Variants in SPECC1 observed in about 807,000 individuals in gnomAD.
SPECC1 encodes cytospin-B.
Under a neutral mutation model 104.1 loss-of-function variants are expected in SPECC1, and 62 were observed. The ratio of observed to expected loss-of-function variants is 0.60; its 90% CI spans 0.49 to 0.74. The LOEUF is 0.74. SPECC1 is among the 30% of genes least tolerant of loss of function. The pLI is 0.00. For missense variants in SPECC1, 1,306 were observed against 1,310.5 expected (o/e 1.00, Z 0.05); for synonymous variants, 513 against 501.6 (o/e 1.02, Z -0.30).
At chr17:20,105,288 T>C (rs1272616895) in intron 2 of SPECC1, among the ~76,000 whole-genome samples, 1 of 152,154 alleles carries the variant, frequency 6.6e-6, no homozygotes, top group Non-Finnish European at 1.5e-5. Context: ...AGAAATGGAG[T>C]CTTACTATGT....
intron 2 of SPECC1, among the ~76,000 whole-genome samples, chr17:20,103,220 C>T (rs887223426): frequency 6.6e-6 from 1 of 152,196 alleles, no homozygotes; most frequent in African/African-American, 2.4e-5. Flanking sequence ...ACACCCACCC[C>T]TCCAGAATGC....
At chr17:20,231,301 C>T (rs1405488893) in intron 5 of SPECC1, among the ~76,000 whole-genome samples, 3 of 152,110 alleles carry the variant, frequency 2.0e-5, no homozygotes, top group Non-Finnish European at 2.9e-5. Flanking sequence ...TGATTGAGAC[C>T]CATGACTCTA....
At chr17:20,167,898 A>G (rs116922417) in intron 3 of SPECC1, among the ~76,000 whole-genome samples, 2 of 152,244 alleles carry the variant, frequency 1.3e-5, no homozygotes, top group Non-Finnish European at 2.9e-5. Context: ...AAAAACTATA[A>G]CTTGTACATT....
chr17:20,272,547 C>T (rs866154971), intron 12 of SPECC1, among the ~76,000 whole-genome samples: 1 of 152,160 alleles, frequency 6.6e-6, no homozygotes, highest in Non-Finnish European at 1.5e-5. Flanking sequence ...TTCCCCTCTT[C>T]CCCCAGCCTC....
chr17:20,013,128 A>C lies in SPECC1; in HGVS notation c.-22+3704A>C, dbSNP rs895581831. 3.9e-5 allele frequency among the ~76,000 whole-genome samples: 6 copies of C among 152,336 alleles called. No homozygotes were observed. In the South Asian group the frequency reaches 1.2e-3, roughly 32 times the overall value. ...ATCAAAGGATATTTATGTTGGTTCC[A>C]CATCATAGCTATTATGAATAATGCT... On this transcript the variant is annotated intron_variant, in intron 1 of 14. Transcript: ENST00000395527.
chr17:20,137,312 G>C (rs1328636231), intron 3 of SPECC1, among the ~76,000 whole-genome samples: 1 of 152,208 alleles, frequency 6.6e-6, no homozygotes, highest in Non-Finnish European at 1.5e-5. Context: ...TAGCCTCTTG[G>C]AGGAGCATCG....
At chr17:20,164,000 A>G (rs899254358) in intron 3 of SPECC1, among the ~76,000 whole-genome samples, 2 of 152,214 alleles carry the variant, frequency 1.3e-5, no homozygotes, top group Admixed American at 6.5e-5. Context: ...CAATTCTCAT[A>G]AACATTAAAA....
At chr17:20,058,439 A>G (rs1376877370) in intron 1 of SPECC1, among the ~76,000 whole-genome samples, 2 of 152,126 alleles carry the variant, frequency 1.3e-5, no homozygotes, top group Admixed American at 1.3e-4. Flanking sequence ...AGGGAGGATC[A>G]CTTGAGCCCA....
chr17:20,098,025 C>T lies in SPECC1; in HGVS notation c.147+1227C>T, dbSNP rs542475746. ...CATTGAGAACCATTGTTCTAGGTGA[C>T]GGGTCCATTCTCATGGCTTTTAACA... On this transcript the variant is annotated intron_variant, in intron 2 of 14. Transcript: ENST00000395527. Among the ~76,000 whole-genome samples, 35 of 152,280 alleles carry T rather than the reference C, an allele frequency of 2.3e-4. No homozygotes were observed. In the East Asian group the frequency reaches 5.4e-3, roughly 24 times the overall value.
chr17:20,040,639 C>T (rs1008192776), intron 1 of SPECC1, among the ~76,000 whole-genome samples: 1 of 152,156 alleles, frequency 6.6e-6, no homozygotes, highest in Non-Finnish European at 1.5e-5. Flanking sequence ...CACTTGAAAA[C>T]CATTGTGTCA....
chr17:20,117,576 C>T (rs1302966750), intron 3 of SPECC1, among the ~76,000 whole-genome samples: 2 of 151,510 alleles, frequency 1.3e-5, no homozygotes, highest in Admixed American at 6.6e-5. Flanking sequence ...TGCTTGAGCC[C>T]AGGAGTTGAA....
chr17:20,041,275 G>T (rs1279555841), intron 1 of SPECC1, among the ~76,000 whole-genome samples: 2 of 151,984 alleles, frequency 1.3e-5, no homozygotes, highest in Non-Finnish European at 2.9e-5. Context: ...TGCTCTTGTT[G>T]CCCAGGCTGG....
At chr17:20,206,845 C>T (rs1218151760) in intron 4 of SPECC1, among the ~76,000 whole-genome samples, 1 of 152,150 alleles carries the variant, frequency 6.6e-6, no homozygotes, top group Non-Finnish European at 1.5e-5. Flanking sequence ...CTTTCCTGAG[C>T]CTTTGCCAGC....
intron 3 of SPECC1, among the ~76,000 whole-genome samples, chr17:20,120,666 C>T (rs1021389735): frequency 2.6e-5 from 4 of 152,092 alleles, no homozygotes; most frequent in Non-Finnish European, 5.9e-5. Flanking sequence ...AAGTTTTCTA[C>T]GATGCATAGC....
At chr17:20,313,883 C>T in intron 14 of SPECC1, 93 bp from the exon 15 acceptor site, 2 of 1,132,486 alleles carry the variant, frequency 1.8e-6, no homozygotes, top group East Asian at 2.6e-5. Flanking sequence ...GGTTTCCAGG[C>T]AGTGTAAGCC....
intron 3 of SPECC1, 130 bp from the exon 4 acceptor site, chr17:20,204,203 C>T (rs1057356781): frequency 2.6e-6 from 3 of 1,154,384 alleles, no homozygotes; most frequent in African/African-American, 1.5e-5. Flanking sequence ...GGGTAATTAG[C>T]TAGAGGAGGA....
chr17:20,034,490 C>G (rs775248061), intron 1 of SPECC1, among the ~76,000 whole-genome samples: 14 of 151,878 alleles, frequency 9.2e-5, no homozygotes, highest in Non-Finnish European at 1.6e-4. Flanking sequence ...TCTAGTTGAC[C>G]AAAGTGCTGG....
At chr17:20,220,442 G>A (rs1479415863) in intron 4 of SPECC1, among the ~76,000 whole-genome samples, 1 of 151,946 alleles carries the variant, frequency 6.6e-6, no homozygotes, top group Non-Finnish European at 1.5e-5. Context: ...CTATAAATGG[G>A]ATTACTTTCT....
intron 2 of SPECC1, among the ~76,000 whole-genome samples, chr17:20,099,100 A>G (rs960535975): frequency 2.0e-5 from 3 of 152,204 alleles, no homozygotes; most frequent in Non-Finnish European, 4.4e-5. Flanking sequence ...TGTCTTTCAG[A>G]TGAAGGTAAC....
Sources: gnomAD v4.1 joint callset for allele counts (sites outside exome capture counted in the v4.1 genomes callset) on GRCh38, gnomAD v4.1.1 for gene constraint, MANE v1.5 for transcripts, NCBI Gene and HGNC (gene_info 2026-07-23, HGNC 2026-07-21) for gene names.